The following GALNT2 variants were observed in gnomAD, a reference collection of about 807,000 sequenced individuals.
GALNT2 encodes UDP-GalNAc:polypeptide N-acetylgalactosaminyltransferase 2.
In GALNT2, 31 loss-of-function variants were observed where a neutral mutation model predicts 81.4. The observed-to-expected ratio is 0.38, with a 90% CI of 0.29 to 0.51. The LOEUF (loss-of-function observed/expected upper bound fraction) is 0.51, where lower values mean the gene tolerates loss of function less well. Among genes scored for constraint, GALNT2 ranks in the 20% least tolerant of loss-of-function variants. GALNT2 has a pLI of 0.87. For missense variants in GALNT2, 629 were observed against 765.7 expected, an observed-to-expected ratio of 0.82 and a Z score of 2.11; for synonymous variants, 303 against 287.4, an observed-to-expected ratio of 1.05 and a Z score of -0.55.
At position 230,194,026 on chromosome 1, in the gene GALNT2, A is replaced by G. The variant is rs542153304; in HGVS notation, c.221-9111A>G. Among the ~76,000 whole-genome samples the G allele has an allele frequency of 5.3e-5, 8 of 152,302 alleles. No individual in the cohort carries two copies. The South Asian group carries it at 1.7e-3, about 32-fold the overall frequency. On this transcript the variant is annotated intron_variant, in intron 2 of 15. Transcript: ENST00000366672. ...TCCAGCCTCGATAAGATGGGGAGAA[A>G]AGTTCCCAAAACTAAACCAGGAAAA...
intron 7 of GALNT2, 124 bp from the exon 8 acceptor site, chr1:230,245,939 G>A: frequency 1.3e-6 from 1 of 768,642 alleles, no homozygotes; most frequent in South Asian, 1.5e-5. Context: ...GAGGGCCTAG[G>A]GTAGTAGGTA....
In GALNT2 at chr1:230,070,177, A is replaced by G. The variant is rs1014554728; in HGVS notation, c.126+2771A>G. Among the ~76,000 whole-genome samples, 1 of 152,200 alleles carries G rather than the reference A, an allele frequency of 6.6e-6. No individual in the cohort carries two copies. The highest frequency in any genetic ancestry group is 2.4e-5 in the African/African-American group (1 of 41,440). On this transcript the variant is annotated intron_variant, in intron 1 of 15. Coordinates refer to ENST00000366672, the MANE Select transcript of GALNT2 (RefSeq NM_004481.5). This position sits in a 1 kb window ranked among gnomAD's most constrained non-coding sequence, Gnocchi z 4.7. ...GGGACTCAACACCCAGGCTCAGGAC[A>G]TGTATGTTAAAGCAGTTTATTCAAA...
At chr1:230,095,819 G>A (rs1660239403) in intron 1 of GALNT2, among the ~76,000 whole-genome samples, 1 of 152,220 alleles carries the variant, frequency 6.6e-6, no homozygotes, top group African/African-American at 2.4e-5. Flanking sequence ...CGTCCAGGCT[G>A]CTCTGCTGGA....
chr1:230,241,162 C>G (rs913773055), intron 6 of GALNT2, among the ~76,000 whole-genome samples: 1 of 152,200 alleles, frequency 6.6e-6, no homozygotes, highest in Non-Finnish European at 1.5e-5. Context: ...TTTAAATCCT[C>G]CCCTGCTAAT....
chr1:230,208,627 C>T (rs958633653), intron 3 of GALNT2, among the ~76,000 whole-genome samples: 5 of 152,238 alleles, frequency 3.3e-5, no homozygotes, highest in Non-Finnish European at 5.9e-5. Context: ...GAGCCCTGGA[C>T]GATTCCAACA....
chr1:230,095,304 C>T (rs1444093355), intron 1 of GALNT2, among the ~76,000 whole-genome samples: 1 of 152,164 alleles, frequency 6.6e-6, no homozygotes, highest in Non-Finnish European at 1.5e-5. Flanking sequence ...TGCTTTCACG[C>T]ACTTTTATGG....
At chr1:230,087,251 T>C (rs749107597) in intron 1 of GALNT2, among the ~76,000 whole-genome samples, 28 of 152,248 alleles carry the variant, frequency 1.8e-4, no homozygotes, top group Non-Finnish European at 1.6e-4. Context: ...TTAGTTTCTG[T>C]ATTTTAAGAG....
At chr1:230,137,440 C>CCT (rs1252716828) in intron 1 of GALNT2, among the ~76,000 whole-genome samples, 1 of 152,202 alleles carries the variant, frequency 6.6e-6, no homozygotes. Context: ...CAGTGGCTGA[C>CCT]CTCTCCCCTC....
intron 13 of GALNT2, chr1:230,264,839 G>A (rs1398006645): frequency 3.8e-5 from 6 of 158,176 alleles, no homozygotes; most frequent in South Asian, 1.9e-4. Context: ...CACCTTTCCC[G>A]TCTTTACTGG....
chr1:230,260,546 A>G (rs1169732505), intron 11 of GALNT2, among the ~76,000 whole-genome samples: 1 of 152,266 alleles, frequency 6.6e-6, no homozygotes, highest in Non-Finnish European at 1.5e-5. Flanking sequence ...TAAGGCTGAA[A>G]GGAACCTAGG....
intron 1 of GALNT2, among the ~76,000 whole-genome samples, chr1:230,165,882 C>T (rs536279707): frequency 2.2e-4 from 33 of 152,326 alleles, no homozygotes; most frequent in Non-Finnish European, 4.7e-4. Flanking sequence ...GTAGGTCACT[C>T]ATATTAGGCA....
Position 230,136,880 on chromosome 1 carries a change from T to G in GALNT2, c.127-41338T>G, listed in dbSNP as rs1183767227. Among the ~76,000 whole-genome samples, 5 of 152,232 alleles carry G rather than the reference T, an allele frequency of 3.3e-5. No individual in the cohort carries two copies. The East Asian group carries it at 9.6e-4, about 29-fold the overall frequency. Reference sequence around the variant, plus strand: ...CCCTCAGACCGAAGAGCCGGCCGTCTGTGCATTTTGCTTTTCCCGCAGTTC... The same window carrying G: ...CCCTCAGACCGAAGAGCCGGCCGTCGGTGCATTTTGCTTTTCCCGCAGTTC... On this transcript the variant is annotated intron_variant, in intron 1 of 15. Transcript: ENST00000366672.
chr1:230,121,044 G>C (rs1161655039), intron 1 of GALNT2, among the ~76,000 whole-genome samples: 2 of 152,218 alleles, frequency 1.3e-5, no homozygotes, highest in African/African-American at 4.8e-5. Flanking sequence ...GGTTCTCCCT[G>C]GTACTGCATC....
chr1:230,206,155 C>T (rs1319011638), intron 3 of GALNT2, among the ~76,000 whole-genome samples: 2 of 152,164 alleles, frequency 1.3e-5, no homozygotes, highest in African/African-American at 4.8e-5. Context: ...ACATACTTAA[C>T]TTACCCTGTG....
intron 3 of GALNT2, among the ~76,000 whole-genome samples, chr1:230,225,730 A>C (rs1349631016): frequency 2.0e-5 from 3 of 149,472 alleles, no homozygotes; most frequent in Non-Finnish European, 4.4e-5. Flanking sequence ...CCAGAGTTCC[A>C]GGTCTAAATT....
chr1:230,197,008 G>A (rs1359510817), intron 2 of GALNT2, among the ~76,000 whole-genome samples: 1 of 152,032 alleles, frequency 6.6e-6, no homozygotes, highest in African/African-American at 2.4e-5. Flanking sequence ...TTTTCTCTTA[G>A]AGTAGGCCCC....
At chr1:230,123,026 G>A (rs952266898) in intron 1 of GALNT2, among the ~76,000 whole-genome samples, 2 of 152,204 alleles carry the variant, frequency 1.3e-5, no homozygotes, top group Non-Finnish European at 2.9e-5. Context: ...AAGGCTGGTT[G>A]TAATAGTCTA....
intron 1 of GALNT2, among the ~76,000 whole-genome samples, chr1:230,074,998 C>T (rs557769353): frequency 6.6e-6 from 1 of 152,086 alleles, no homozygotes; most frequent in Non-Finnish European, 1.5e-5. Context: ...CCTGGGCCTC[C>T]CATGCCCCTT....
intron 1 of GALNT2, among the ~76,000 whole-genome samples, chr1:230,105,008 C>T (rs12032088): frequency 0.16 from 24,701 of 152,238 alleles, 2,394 homozygotes; most frequent in South Asian, 0.27. Flanking sequence ...CACAGTGGCG[C>T]TGTGGATTCA....
Sources: gnomAD v4.1 joint callset for allele counts (sites outside exome capture counted in the v4.1 genomes callset) on GRCh38, gnomAD v4.1.1 for gene constraint, Gnocchi (gnomAD v3.1) non-coding constraint, MANE v1.5 for transcripts, NCBI Gene and HGNC (gene_info 2026-07-23, HGNC 2026-07-21) for gene names.